The following PPME1 variants were observed in gnomAD, a reference collection of about 807,000 sequenced individuals.
PPME1 encodes the protein protein phosphatase methylesterase 1.
PPME1 carries 17 observed loss-of-function variants against 56.9 expected under a neutral mutation model. That is an observed-to-expected ratio of 0.30 (90% CI 0.20 to 0.45). The LOEUF (loss-of-function observed/expected upper bound fraction) is 0.45, where lower values mean the gene tolerates loss of function less well. PPME1 is among the 20% of genes least tolerant of loss of function. The pLI is 1.00. For synonymous variants in PPME1, 122 were observed against 156.2 expected (o/e 0.78, Z 1.63); for missense variants, 357 against 483.2 (o/e 0.74, Z 2.45).
At chr11:74,228,735 C>CGG (rs1858992726) in intron 5 of PPME1, among the ~76,000 whole-genome samples, 1 of 152,066 alleles carries the variant, frequency 6.6e-6, no homozygotes, top group East Asian at 1.9e-4. Flanking sequence ...TAATACAGAA[C>CGG]CTTCTAGACA....
chr11:74,199,291 G>C (rs566650802), intron 1 of PPME1, among the ~76,000 whole-genome samples: 2 of 151,728 alleles, frequency 1.3e-5, no homozygotes, highest in African/African-American at 4.8e-5. Flanking sequence ...TACTTCTTAG[G>C]GTATTTAACT....
At chr11:74,173,960 A>G (rs540147696) in intron 1 of PPME1, among the ~76,000 whole-genome samples, 1 of 152,318 alleles carries the variant, frequency 6.6e-6, no homozygotes, top group East Asian at 1.9e-4. Context: ...AGAAGAGCAT[A>G]TATTGGCGAA....
intron 11 of PPME1, chr11:74,248,789 C>A (rs1322967299): frequency 6.6e-6 from 1 of 152,232 alleles, no homozygotes; most frequent in African/African-American, 2.4e-5. Context: ...TGATGCTGGG[C>A]AGACAGAAGA....
chr11:74,173,026 G>C (rs1296886121), intron 1 of PPME1, among the ~76,000 whole-genome samples: 1 of 152,158 alleles, frequency 6.6e-6, no homozygotes, highest in Non-Finnish European at 1.5e-5. Flanking sequence ...AGGAAACTAA[G>C]AATTGAGTGG....
intron 3 of PPME1, among the ~76,000 whole-genome samples, chr11:74,217,258 C>T (rs2135642075): frequency 6.6e-6 from 1 of 152,170 alleles, no homozygotes; most frequent in Admixed American, 6.6e-5. Flanking sequence ...AAAGATTATT[C>T]AGGCTGGGCA....
chr11:74,232,046 A>G (rs1591058009), intron 7 of PPME1, among the ~76,000 whole-genome samples: 1 of 152,170 alleles, frequency 6.6e-6, no homozygotes, highest in Non-Finnish European at 1.5e-5. Flanking sequence ...CTTCCTTCCT[A>G]TTCTTCTAAC....
chr11:74,245,957 T>C, intron 9 of PPME1, 119 bp from the exon 10 acceptor site: 1 of 1,156,382 alleles, frequency 8.6e-7, no homozygotes, highest in Non-Finnish European at 1.2e-6. Flanking sequence ...GTCTAGGACT[T>C]AGTAGGTCCT....
intron 9 of PPME1, among the ~76,000 whole-genome samples, chr11:74,244,811 T>C (rs1004360564): frequency 1.3e-5 from 2 of 152,210 alleles, no homozygotes; most frequent in Non-Finnish European, 1.5e-5. Flanking sequence ...TTTTCCTCCA[T>C]GTTTTCTTCT....
At chr11:74,218,293 T>C (rs770668780) in intron 3 of PPME1, among the ~76,000 whole-genome samples, 2 of 152,140 alleles carry the variant, frequency 1.3e-5, no homozygotes, top group Non-Finnish European at 2.9e-5. Flanking sequence ...TGTTCAGGGA[T>C]TGGAAGAATC....
At chr11:74,231,994 A>T (rs1382003205) in intron 7 of PPME1, among the ~76,000 whole-genome samples, 1 of 152,216 alleles carries the variant, frequency 6.6e-6, no homozygotes, top group Non-Finnish European at 1.5e-5. Flanking sequence ...GTCCCTTCCC[A>T]CAAGGAGATC....
At chr11:74,242,194 C>A (rs1210531841) in intron 9 of PPME1, among the ~76,000 whole-genome samples, 1 of 152,186 alleles carries the variant, frequency 6.6e-6, no homozygotes, top group Non-Finnish European at 1.5e-5. Flanking sequence ...TGTAGATACC[C>A]AATAAACAGC....
intron 3 of PPME1, among the ~76,000 whole-genome samples, chr11:74,210,623 T>A (rs1213132434): frequency 6.6e-6 from 1 of 152,104 alleles, no homozygotes; most frequent in Non-Finnish European, 1.5e-5. Flanking sequence ...AGATCTGACA[T>A]CTCCCTCCCC....
At chr11:74,238,166 C>G (rs954406228) in intron 8 of PPME1, 1 of 150,526 alleles carries the variant, frequency 6.6e-6, no homozygotes, top group African/African-American at 2.5e-5. Flanking sequence ...TTCTTTGTTA[C>G]ACTGTTTTTT....
Position 74,222,379 on chromosome 11 carries a change from G to GTTCT in PPME1, c.346+12_346+15dup. The GTTCT allele has an allele frequency of 6.3e-7, 1 of 1,594,444 alleles. No individual in the cohort carries two copies. ...GATCTGCGAAGTCATGGTGAGTAAAGTTCTTAATTAGCCATTAACTGGATT... is the reference window on the plus strand; with the variant it reads ...GATCTGCGAAGTCATGGTGAGTAAAGTTCTTTCTTAATTAGCCATTAACTGGATT... On this transcript the variant is annotated intron_variant, in intron 4 of 13. Transcript: ENST00000328257.
intron 1 of PPME1, among the ~76,000 whole-genome samples, chr11:74,181,891 G>A (rs111410716): frequency 0.015 from 2,264 of 152,330 alleles, 23 homozygotes; most frequent in Non-Finnish European, 0.023. Flanking sequence ...GTAACTGAAT[G>A]TGTCTGTGTT....
chr11:74,189,871 T>C (rs1463453991), intron 1 of PPME1, among the ~76,000 whole-genome samples: 1 of 152,220 alleles, frequency 6.6e-6, no homozygotes, highest in Non-Finnish European at 1.5e-5. Context: ...TTCTACAGTT[T>C]TACCATAATG....
chr11:74,236,262 G>A (rs1247149690), intron 8 of PPME1, among the ~76,000 whole-genome samples: 2 of 151,944 alleles, frequency 1.3e-5, no homozygotes, highest in Non-Finnish European at 2.9e-5. Context: ...TACAAATTAT[G>A]TTAACCTTAG....
intron 3 of PPME1, among the ~76,000 whole-genome samples, chr11:74,212,917 A>AT: frequency 6.6e-6 from 1 of 152,324 alleles, no homozygotes; most frequent in African/African-American, 2.4e-5. Flanking sequence ...GACCCAACAC[A>AT]TTCCCAGCTG....
intron 5 of PPME1, among the ~76,000 whole-genome samples, chr11:74,228,085 A>T (rs886629704): frequency 6.6e-6 from 1 of 151,830 alleles, no homozygotes; most frequent in Non-Finnish European, 1.5e-5. Context: ...TTCAAGAATT[A>T]TTCTGGAAAT....
Sources: allele counts gnomAD v4.1 joint callset (sites outside exome capture counted in the v4.1 genomes callset), GRCh38; gene constraint gnomAD v4.1.1; transcripts MANE v1.5; gene names NCBI Gene and HGNC (gene_info 2026-07-23, HGNC 2026-07-21).